The following NKAIN3 variants were observed in gnomAD, a reference collection of about 807,000 sequenced individuals.
NKAIN3 encodes sodium/potassium transporting ATPase interacting 3, also known as sodium/potassium-transporting ATPase subunit beta-1-interacting protein 3.
A neutral mutation model predicts 30.2 loss-of-function variants in NKAIN3; 25 were observed. The ratio of observed to expected loss-of-function variants is 0.83; its 90% confidence interval spans 0.60 to 1.16. The LOEUF (loss-of-function observed/expected upper bound fraction) is 1.16. Among genes scored for constraint, NKAIN3 ranks in the 50% most tolerant of loss-of-function variants. NKAIN3 has a pLI of 0.00. For missense variants in NKAIN3, 225 were observed against 254.1 expected (o/e 0.89, Z 0.78); for synonymous variants, 91 against 89.6 (o/e 1.02, Z -0.09).
intron 4 of NKAIN3, among the ~76,000 whole-genome samples, chr8:62,908,747 T>C (rs112216741): frequency 0.21 from 31,876 of 152,192 alleles, 4,047 homozygotes; most frequent in South Asian, 0.31. Context: ...GTGAGTCCAT[T>C]AAACCTCTTT....
rs1030517526 is a variant in NKAIN3 at position 62,716,751 on chromosome 8, A to C, written c.274-30181A>C. Among the ~76,000 whole-genome samples the C allele has an allele frequency of 2.0e-4, 31 of 151,992 alleles. 1 individual carries two copies. Among genetic ancestry groups the C allele is most frequent in the Non-Finnish European group, 3.7e-4 (25 of 67,968 alleles). On this transcript the variant is annotated intron_variant, in intron 3 of 6. Coordinates refer to ENST00000623646, the MANE Select transcript of NKAIN3 (RefSeq NM_001304533.3). ...AACTGGAATTCTGAGAAGAAAAAAA[A>C]AAACAAACAAAACAAAACTTAGAGA...
At chr8:62,900,738 G>T (rs1821589599) in intron 4 of NKAIN3, among the ~76,000 whole-genome samples, 1 of 152,148 alleles carries the variant, frequency 6.6e-6, no homozygotes. Flanking sequence ...ATATCTATTT[G>T]ACAGATTACA....
chr8:62,457,370 C>A (rs1805854181), intron 1 of NKAIN3, among the ~76,000 whole-genome samples: 1 of 152,186 alleles, frequency 6.6e-6, no homozygotes, highest in African/African-American at 2.4e-5. Flanking sequence ...GAGCAAAGCC[C>A]TTGCAAAGTA....
intron 3 of NKAIN3, among the ~76,000 whole-genome samples, chr8:62,605,407 C>T (rs1329585513): frequency 6.6e-6 from 1 of 151,804 alleles, no homozygotes; most frequent in Non-Finnish European, 1.5e-5. Context: ...CTGAAATATG[C>T]AACTGAAAAC....
chr8:62,640,647 A>G (rs1010816552), intron 3 of NKAIN3, among the ~76,000 whole-genome samples: 1 of 152,056 alleles, frequency 6.6e-6, no homozygotes, highest in African/African-American at 2.4e-5. Flanking sequence ...ATATTAAAAG[A>G]GGTATTCATA....
intron 4 of NKAIN3, among the ~76,000 whole-genome samples, chr8:62,821,826 T>C (rs982974339): frequency 2.0e-5 from 3 of 150,652 alleles, no homozygotes; most frequent in African/African-American, 7.3e-5. Flanking sequence ...TGAGTTTTAC[T>C]AAATGACATT....
intron 3 of NKAIN3, among the ~76,000 whole-genome samples, chr8:62,701,450 T>C (rs1814329330): frequency 6.6e-6 from 1 of 152,196 alleles, no homozygotes; most frequent in Non-Finnish European, 1.5e-5. Context: ...CAAGGGGTCC[T>C]TAAAATGACC....
intron 4 of NKAIN3, among the ~76,000 whole-genome samples, chr8:62,787,758 C>G (rs1245340584): frequency 2.6e-5 from 4 of 152,038 alleles, no homozygotes; most frequent in African/African-American, 9.7e-5. Context: ...CAATTCCCAC[C>G]TATGAGTGAG....
intron 1 of NKAIN3, among the ~76,000 whole-genome samples, chr8:62,574,041 G>C (rs1810029872): frequency 1.3e-5 from 2 of 152,026 alleles, no homozygotes; most frequent in African/African-American, 4.8e-5. Flanking sequence ...ACCCTTCTCA[G>C]CCTCCGGAAG....
chr8:62,519,770 A>G (rs998565295), intron 1 of NKAIN3, among the ~76,000 whole-genome samples: 3 of 152,166 alleles, frequency 2.0e-5, no homozygotes, highest in Non-Finnish European at 4.4e-5. Flanking sequence ...AGCCAGTTGC[A>G]TTCAAAATAG....
intron 1 of NKAIN3, among the ~76,000 whole-genome samples, chr8:62,543,857 T>C (rs544570200): frequency 1.4e-4 from 22 of 152,320 alleles, no homozygotes; most frequent in African/African-American, 5.1e-4. Context: ...AAGGTTGTTA[T>C]ATTATGTCTT....
chr8:62,635,680 G>A (rs1812103891), intron 3 of NKAIN3, among the ~76,000 whole-genome samples: 2 of 152,108 alleles, frequency 1.3e-5, no homozygotes, highest in Admixed American at 6.6e-5. Flanking sequence ...GAGTGAGAAG[G>A]TGCTGTCTAT....
chr8:62,929,237 A>C (rs1448129006), intron 5 of NKAIN3, among the ~76,000 whole-genome samples: 1 of 152,182 alleles, frequency 6.6e-6, no homozygotes, highest in Admixed American at 6.5e-5. Flanking sequence ...ACTCTCAAAA[A>C]AGTAGTGAAT....
intron 3 of NKAIN3, among the ~76,000 whole-genome samples, chr8:62,713,690 CA>C: frequency 6.6e-6 from 1 of 152,226 alleles, no homozygotes; most frequent in South Asian, 2.1e-4. Context: ...TGTTATTTCT[CA>C]AATCAAGAAC....
At chr8:62,383,897 A>G (rs1438659733) in intron 1 of NKAIN3, among the ~76,000 whole-genome samples, 1 of 126,330 alleles carries the variant, frequency 7.9e-6, no homozygotes, top group South Asian at 2.3e-4. Flanking sequence ...TTTTTTTTCC[A>G]CAGTAGACCT....
chr8:62,789,510 T>C (rs1387890259), intron 4 of NKAIN3, among the ~76,000 whole-genome samples: 1 of 152,114 alleles, frequency 6.6e-6, no homozygotes, highest in Non-Finnish European at 1.5e-5. Context: ...CTTTTCCTAA[T>C]TGAATGCCCT....
intron 4 of NKAIN3, among the ~76,000 whole-genome samples, chr8:62,917,609 C>A (rs118046872): frequency 6.6e-6 from 1 of 152,086 alleles, no homozygotes; most frequent in Non-Finnish European, 1.5e-5. Context: ...TTTCTTTTCC[C>A]GGTATTATTT....
At chr8:62,935,127 T>G (rs1169550553) in intron 5 of NKAIN3, among the ~76,000 whole-genome samples, 1 of 152,160 alleles carries the variant, frequency 6.6e-6, no homozygotes, top group African/African-American at 2.4e-5. Context: ...GAATTTTCCC[T>G]TCCAAACTAG....
intron 1 of NKAIN3, among the ~76,000 whole-genome samples, chr8:62,404,933 C>T (rs755790628): frequency 3.3e-5 from 5 of 152,100 alleles, no homozygotes; most frequent in Non-Finnish European, 5.9e-5. Context: ...GGTATCACTG[C>T]TGATTATTCA....
Sources: gnomAD v4.1 joint callset for allele counts (sites outside exome capture counted in the v4.1 genomes callset) on GRCh38, gnomAD v4.1.1 for gene constraint, MANE v1.5 for transcripts, NCBI Gene and HGNC (gene_info 2026-07-23, HGNC 2026-07-21) for gene names.